Variants in DDX11 observed in about 807,000 individuals in gnomAD.
DDX11 encodes ATP-dependent DNA helicase DDX11.
DDX11 carries 72 observed loss-of-function variants against 125.2 expected under a neutral mutation model. That is an observed-to-expected ratio of 0.58 (90% CI 0.48 to 0.70). The LOEUF (loss-of-function observed/expected upper bound fraction) is 0.70. Ranked by LOEUF, DDX11 falls within the 30% of genes least tolerant of loss-of-function variation. DDX11 has a pLI of 0.00. For synonymous variants in DDX11, 347 were observed against 452.6 expected (o/e 0.77, Z 2.96); for missense variants, 883 against 1,165.0 (o/e 0.76, Z 3.52).
At chr12:31,075,698 C>T (rs1592543269) in intron 1 of DDX11, among the ~76,000 whole-genome samples, 1 of 152,206 alleles carries the variant, frequency 6.6e-6, no homozygotes, top group African/African-American at 2.4e-5. Context: ...GCTACTCATT[C>T]GTTCATCAGA....
intron 18 of DDX11, 39 bp from the exon 19 acceptor site, chr12:31,100,596 G>A (rs1473794386): frequency 6.5e-7 from 1 of 1,542,828 alleles, no homozygotes; most frequent in Non-Finnish European, 8.8e-7. Context: ...GGGCCTCTGA[G>A]GGGTCATGGG....
chr12:31,086,621 G>T (rs1193771189), intron 5 of DDX11, among the ~76,000 whole-genome samples: 1 of 152,188 alleles, frequency 6.6e-6, no homozygotes, highest in Non-Finnish European at 1.5e-5. Flanking sequence ...GAGCCCGTGG[G>T]GACAAGGCAG....
chr12:31,103,350 G>C lies in DDX11; in HGVS notation c.2491G>C (p.Ala831Pro), dbSNP rs761702260. 14 of 1,611,076 alleles carry C rather than the reference G, an allele frequency of 8.7e-6. No individual in the cohort carries two copies. In the African/African-American group the frequency reaches 1.7e-4, roughly 20 times the overall value. Residue 831 changes from alanine to proline, a missense_variant, in exon 25 of 27, where the codon GCT (alanine) becomes CCT (proline). Physicochemically the swap from Ala to Pro is conservative, Grantham distance 27 (BLOSUM62 -1). Transcript: ENST00000542838. ...CCCCGGCCAGGCACCCCCAGGGAAG[G>C]CTCTGGTGGAGAACCTGTGCATGAA... ...RAPGQAPPGK[A>P]LVENLCMKAV... is the part of the protein sequence containing the mutation.
At position 31,100,968 on chromosome 12, in the gene DDX11, G is replaced by T. The variant is rs1946273998; in HGVS notation, c.1949-59G>T. 4 of 1,459,330 alleles carry T rather than the reference G, an allele frequency of 2.7e-6. No individual in the cohort carries two copies. In the Admixed American group the frequency reaches 5.0e-5, roughly 18 times the overall value. 90.4% of individuals were successfully genotyped at this position (1,459,330 alleles called of 1,614,324 possible). A position where few individuals can be genotyped will look rare whatever the true frequency, so the allele number is the denominator to read the frequency against. ...GATGGGGCAGGGAAATGCCCTCTCT[G>T]CAGTGTCTTGCAGCACACCTGCATC... On this transcript the variant is annotated intron_variant, in intron 19 of 26. Transcript: ENST00000542838.
Position 31,101,041 on chromosome 12 carries a change from C to G in DDX11, c.1963C>G (p.Pro655Ala). Residue 655 changes from proline (P) to alanine (A), a missense_variant, in exon 20 of 27, where the codon CCA becomes GCA. Physicochemically the swap from Pro to Ala is conservative, Grantham distance 27. Coordinates refer to ENST00000542838, the MANE Select transcript of DDX11 (RefSeq NM_030653.4). ...VEFSCGHVIPPDNILPLVICS... is the reference protein window; with the variant it reads ...VEFSCGHVIPADNILPLVICS... ...GCTCTTACCAGGTCACGTGATCCCT[C>G]CAGACAACATCCTGCCCCTCGTCAT... 6.2e-7 allele frequency: 1 copy of G among 1,614,108 alleles called. No individual in the cohort carries two copies.
chr12:31,086,192 C>G (rs1943113298), intron 5 of DDX11: 1 of 448,018 alleles, frequency 2.2e-6, no homozygotes, highest in South Asian at 1.6e-5. Context: ...ATGTCTTCCT[C>G]TCCTTTAAGG....
At chr12:31,096,581 C>G (rs1452185475) in intron 15 of DDX11, 56 bp from the exon 16 acceptor site, 2 of 1,600,382 alleles carry the variant, frequency 1.2e-6, no homozygotes, top group Admixed American at 1.7e-5. Flanking sequence ...TCCACCCAGC[C>G]TCTCTCTCAT....
chr12:31,102,350 G>A (rs756602647), intron 22 of DDX11, 39 bp downstream of exon 22: 3 of 1,608,782 alleles, frequency 1.9e-6, no homozygotes, highest in Admixed American at 3.3e-5. Flanking sequence ...GAGATCGTGT[G>A]GGGGTGGCAG....
rs377751748 is a variant in DDX11, at chr12:31,104,005, G to A, written c.*169G>A. 6.9e-5 allele frequency: 108 copies of A among 1,557,278 alleles called. No individual in the cohort carries two copies. The African/African-American group carries it at 7.2e-4, about 10-fold the overall frequency. On this transcript the variant is annotated 3_prime_UTR_variant, in exon 27 of 27. Transcript: ENST00000542838. Reference sequence around the variant, plus strand: ...GACCCAGGCACAGGCGTTAGCTCCCGTAGGAGAAAATGGGGGAATCCTGAA... The same window carrying A: ...GACCCAGGCACAGGCGTTAGCTCCCATAGGAGAAAATGGGGGAATCCTGAA...
At chr12:31,092,452 C>T (rs1248973342) in intron 10 of DDX11, among the ~76,000 whole-genome samples, 1 of 152,174 alleles carries the variant, frequency 6.6e-6, no homozygotes, top group Non-Finnish European at 1.5e-5. Flanking sequence ...AAAACCCCCA[C>T]GACATCCCAC....
chr12:31,096,558 G>T, intron 15 of DDX11, 79 bp from the exon 16 acceptor site: 1 of 1,587,818 alleles, frequency 6.3e-7, no homozygotes, highest in Admixed American at 1.8e-5. Flanking sequence ...CTTGGGCCTG[G>T]CAGAGCCTCC....
intron 8 of DDX11, 166 bp from the exon 9 acceptor site, chr12:31,089,720 G>A (rs1216285386): frequency 4.4e-6 from 6 of 1,372,882 alleles, no homozygotes; most frequent in Non-Finnish European, 6.1e-6. Flanking sequence ...GAGAACAGAA[G>A]TAAAACCTTA....
chr12:31,102,604 G>A lies in DDX11; in HGVS notation c.2372+77G>A, dbSNP rs1362619712. 2.9e-5 allele frequency: 40 copies of A among 1,374,590 alleles called. 1 individual carries two copies. In the South Asian group the frequency reaches 4.3e-4, roughly 15 times the overall value. 85.1% of individuals were successfully genotyped at this position (1,374,590 alleles called of 1,614,324 possible). On this transcript the variant is annotated intron_variant, in intron 23 of 26. Transcript: ENST00000542838. ...ACTCCCAGCAGCTGGGCCCCTGCCT[G>A]CTCTCTGCTGCCATTAGAGCCCACA... is the stretch of plus-strand genomic sequence containing the variant.
rs116757497 is a variant in DDX11 at position 31,095,078 on chromosome 12, T to G, written c.1482+256T>G. Among the ~76,000 whole-genome samples, 1,313 of 152,328 alleles carry G rather than the reference T, an allele frequency of 8.6e-3. 26 individuals carry two copies. Among genetic ancestry groups the G allele is most frequent in the African/African-American group, 0.031 (1,271 of 41,574 alleles). On this transcript the variant is annotated intron_variant, in intron 14 of 26. Transcript: ENST00000542838. ...ATAGAGACTCCAGGTCCTTGCTCTC[T>G]CACTCCGTCTTCTGGCACAGTCTCC...
At position 31,104,185 on chromosome 12, in the gene DDX11, G is replaced by A. The variant is rs779435045; in HGVS notation, c.*349G>A. 5.7e-5 allele frequency: 74 copies of A among 1,309,690 alleles called. No individual in the cohort carries two copies. Among genetic ancestry groups the A allele is most frequent in the Middle Eastern group, 2.7e-4 (1 of 3,656 alleles). 81.1% of individuals were successfully genotyped at this position (1,309,690 alleles called of 1,614,324 possible). ...CTGTGGCATCCACTGTGGCATCTCC[G>A]TCCTGCCCACCTTCTTAAGAGGCGA... On this transcript the variant is annotated 3_prime_UTR_variant, in exon 27 of 27. Coordinates refer to ENST00000542838, the MANE Select transcript of DDX11 (RefSeq NM_030653.4).
At chr12:31,093,410 T>C (rs772476404) in intron 12 of DDX11, 86 bp downstream of exon 12, 1 of 1,568,268 alleles carries the variant, frequency 6.4e-7, no homozygotes, top group African/African-American at 1.3e-5. Context: ...GACACCTCAG[T>C]TCTCTGTGTT....
chr12:31,094,780 C>A lies in DDX11; in HGVS notation c.1440C>A (p.Asp480Glu). 1 of 1,613,534 alleles carries A rather than the reference C, an allele frequency of 6.2e-7. No homozygotes were observed. The highest frequency in any genetic ancestry group is 8.5e-7 in the Non-Finnish European group (1 of 1,179,432). ...GGACGGAGCTGAAGACCATCAACGA[C>A]TTTCTCTTCCAGAGCCAGATCGACA... is the stretch of plus-strand genomic sequence containing the variant. ...QTGTELKTIN[D>E]FLFQSQIDNI... The change falls in exon 14 of 27, where the codon GAC becomes GAA. Residue 480 changes from aspartate (D) to glutamate (E), a missense_variant. Physicochemically the swap from Asp to Glu is conservative, Grantham distance 45 (BLOSUM62 2). Coordinates refer to ENST00000542838, the MANE Select transcript of DDX11 (RefSeq NM_030653.4).
intron 14 of DDX11, among the ~76,000 whole-genome samples, chr12:31,095,123 A>G (rs574634250): frequency 1.3e-5 from 2 of 152,298 alleles, no homozygotes; most frequent in South Asian, 4.1e-4. Flanking sequence ...ATGGACAGGA[A>G]TAGGACGTTG....
intron 14 of DDX11, among the ~76,000 whole-genome samples, chr12:31,096,140 C>A (rs1399054075): frequency 3.3e-5 from 5 of 151,922 alleles, no homozygotes; most frequent in African/African-American, 7.3e-5. Context: ...GAGGACACTG[C>A]GTTGTGGGCA....
Sources: gnomAD v4.1 joint callset for allele counts (sites outside exome capture counted in the v4.1 genomes callset) on GRCh38, gnomAD v4.1.1 for gene constraint, MANE v1.5 for transcripts, NCBI Gene and HGNC (gene_info 2026-07-23, HGNC 2026-07-21) for gene names.